CNOT7: variants seen among roughly 807,000 people sequenced by gnomAD.
CNOT7 encodes the protein CCR4-NOT transcription complex subunit 7.
A neutral mutation model predicts 37.1 loss-of-function variants in CNOT7; 4 were observed. That is an observed-to-expected ratio of 0.11 (90% CI 0.05 to 0.25). The LOEUF is 0.25. CNOT7 is among the 10% of genes least tolerant of loss of function. The pLI is 1.00. For missense variants in CNOT7, 170 were observed against 336.2 expected, an observed-to-expected ratio of 0.51 and a Z score of 3.87; for synonymous variants, 128 against 115.6, an observed-to-expected ratio of 1.11 and a Z score of -0.69.
chr8:17,226,764 C>G lies in CNOT7; in HGVS notation c.*3956G>C, dbSNP rs759254022. Reference sequence around the variant, plus strand: ...TTTAGTTTTTATTGAAATGAATTTACCATATTATGTTGTTGTACCTTGTAA... The same window carrying G: ...TTTAGTTTTTATTGAAATGAATTTAGCATATTATGTTGTTGTACCTTGTAA... On this transcript the variant is annotated 3_prime_UTR_variant, in exon 7 of 7. Transcript: ENST00000361272. 18 of 151,536 alleles carry G rather than the reference C, an allele frequency of 1.2e-4. No individual in the cohort carries two copies. The highest frequency in any genetic ancestry group is 2.1e-4 in the Non-Finnish European group (14 of 67,662). The allele number at this position is 151,536 out of a possible 1,614,324, so 9.4% of individuals were successfully genotyped here. A position where few individuals can be genotyped will look rare whatever the true frequency, so the allele number is the denominator to read the frequency against.
intron 1 of CNOT7, 65 bp from the exon 2 acceptor site, chr8:17,245,312 C>A: frequency 1.5e-6 from 1 of 667,942 alleles, no homozygotes; most frequent in Non-Finnish European, 2.2e-6. Context: ...AATAATTGAT[C>A]CAGCAGGAAC....
At chr8:17,238,356 CT>C (rs75655379) in intron 3 of CNOT7, among the ~76,000 whole-genome samples, 38,529 of 151,916 alleles carry the variant, frequency 0.25, 6,635 homozygotes, top group East Asian at 0.64. Flanking sequence ...ATGGTTAGTC[CT>C]TTAGAAATCA....
chr8:17,236,092 G>C (rs768741501), intron 4 of CNOT7, among the ~76,000 whole-genome samples: 4 of 152,330 alleles, frequency 2.6e-5, no homozygotes, highest in Non-Finnish European at 5.9e-5. Flanking sequence ...TAAGGTACAA[G>C]TTCAAGTGCA....
intron 3 of CNOT7, 130 bp from the exon 4 acceptor site, chr8:17,237,503 G>A (rs1165493466): frequency 2.8e-6 from 2 of 704,912 alleles, no homozygotes; most frequent in Non-Finnish European, 4.7e-6. Context: ...CTGTTTCAAT[G>A]CTTTATATAT....
At position 17,225,700 on chromosome 8, in the gene CNOT7, C is replaced by G. The variant is rs1808107490; in HGVS notation, c.*5020G>C. ...TTTGGATGTGTACAGTCCTACGTTT[C>G]TATAATGTCTTAATAGAAAAATAAA... is the stretch of plus-strand genomic sequence containing the variant. On this transcript the variant is annotated 3_prime_UTR_variant, in exon 7 of 7. Coordinates refer to ENST00000361272, the MANE Select transcript of CNOT7 (RefSeq NM_013354.7). 1 of 151,546 alleles carries G rather than the reference C, an allele frequency of 6.6e-6. No individual in the cohort carries two copies. 9.4% of individuals were successfully genotyped at this position (151,546 alleles called of 1,614,324 possible).
At position 17,228,224 on chromosome 8, in the gene CNOT7, A is replaced by G. The variant is rs1350014321; in HGVS notation, c.*2496T>C. The G allele has an allele frequency of 2.6e-5, 4 of 151,928 alleles. No individual in the cohort carries two copies. In the East Asian group the frequency reaches 7.7e-4, roughly 29 times the overall value. 9.4% of individuals were successfully genotyped at this position (151,928 alleles called of 1,614,324 possible). On this transcript the variant is annotated 3_prime_UTR_variant, in exon 7 of 7. Transcript: ENST00000361272. ...TTCTGGCTACGGGCCATAGTTTGAC[A>G]ACCCTTGCTCTAGTAGATTTAACAG... is the stretch of plus-strand genomic sequence containing the variant.
rs142172796 is a variant in CNOT7, at chr8:17,231,212, G to A, written c.730-364C>T. ...GAAAAAAAGTTTAGGTTCATAAACT[G>A]TCTTAAATCTGTATGCAAGGCTGAG... On this transcript the variant is annotated intron_variant, in intron 6 of 6. Transcript: ENST00000361272. Among the ~76,000 whole-genome samples, 110 of 152,194 alleles carry A rather than the reference G, an allele frequency of 7.2e-4. 1 individual carries two copies. The highest frequency in any genetic ancestry group is 2.2e-3 in the African/African-American group (92 of 41,568).
intron 3 of CNOT7, among the ~76,000 whole-genome samples, chr8:17,239,279 TCAAA>T (rs1295276383): frequency 2.6e-5 from 4 of 152,082 alleles, no homozygotes; most frequent in East Asian, 1.9e-4. Flanking sequence ...TAAACTGAGC[TCAAA>T]CAATCTGCCC....
rs1808324176 is a variant in CNOT7 at position 17,228,771 on chromosome 8, T to A, written c.*1949A>T. 1 of 151,958 alleles carries A rather than the reference T, an allele frequency of 6.6e-6. No individual in the cohort carries two copies. Among genetic ancestry groups the A allele is most frequent in the Non-Finnish European group, 1.5e-5 (1 of 67,864 alleles). The allele number at this position is 151,958 out of a possible 1,614,324, so 9.4% of individuals were successfully genotyped here. On this transcript the variant is annotated 3_prime_UTR_variant, in exon 7 of 7. Coordinates refer to ENST00000361272, the MANE Select transcript of CNOT7 (RefSeq NM_013354.7). ...CTAATAAAAAGGCAATCTTTATCAT[T>A]CCTATTTGAAATCCAGCATTGATTT...
intron 3 of CNOT7, among the ~76,000 whole-genome samples, chr8:17,238,825 G>T (rs547298603): frequency 4.6e-5 from 7 of 152,066 alleles, no homozygotes; most frequent in Non-Finnish European, 8.8e-5. Context: ...TAATATTCCT[G>T]TCTTTCTTTA....
At chr8:17,238,086 A>G (rs552595556) in intron 3 of CNOT7, among the ~76,000 whole-genome samples, 1 of 152,368 alleles carries the variant, frequency 6.6e-6, no homozygotes, top group Admixed American at 6.5e-5. Flanking sequence ...GCCATCTCCA[A>G]CCTCAAATAT....
At chr8:17,234,010 C>T (rs991360648) in intron 5 of CNOT7, among the ~76,000 whole-genome samples, 3 of 152,104 alleles carry the variant, frequency 2.0e-5, no homozygotes, top group Non-Finnish European at 2.9e-5. Flanking sequence ...GCCGAGACCA[C>T]GCCACTGCAC....
chr8:17,238,500 A>G (rs1440173385), intron 3 of CNOT7, among the ~76,000 whole-genome samples: 1 of 150,066 alleles, frequency 6.7e-6, no homozygotes, highest in Non-Finnish European at 1.5e-5. Context: ...AAACCCAATG[A>G]AGTAGTTTCT....
rs944058481 is a variant in CNOT7, at chr8:17,228,262, T to C, written c.*2458A>G. The C allele has an allele frequency of 6.6e-6, 1 of 151,954 alleles. No individual in the cohort carries two copies. The highest frequency in any genetic ancestry group is 1.5e-5 in the Non-Finnish European group (1 of 67,854). 9.4% of individuals were successfully genotyped at this position (151,954 alleles called of 1,614,324 possible). On this transcript the variant is annotated 3_prime_UTR_variant, in exon 7 of 7. Coordinates refer to ENST00000361272, the MANE Select transcript of CNOT7 (RefSeq NM_013354.7). ...GTAGATTTAACAGAATATATGAGCC[T>C]GTAATTAATTAATGGCTCAGTAACA...
rs1467744290 is a variant in CNOT7 at position 17,225,317 on chromosome 8, A to G, written c.*5403T>C. On this transcript the variant is annotated 3_prime_UTR_variant, in exon 7 of 7. Transcript: ENST00000361272. Reference sequence around the variant, plus strand: ...GCAGTGAATTTCCCCTCCTATGACAATAAAGCAAGAGGGCAGATTATATTC... The same window carrying G: ...GCAGTGAATTTCCCCTCCTATGACAGTAAAGCAAGAGGGCAGATTATATTC... 1 of 151,684 alleles carries G rather than the reference A, an allele frequency of 6.6e-6. No individual in the cohort carries two copies. Among genetic ancestry groups the G allele is most frequent in the Admixed American group, 6.6e-5 (1 of 15,212 alleles). 9.4% of individuals were successfully genotyped at this position (151,684 alleles called of 1,614,324 possible).
intron 6 of CNOT7, 85 bp downstream of exon 6, chr8:17,232,342 T>C (rs1563188557): frequency 1.2e-6 from 2 of 1,607,974 alleles, no homozygotes; most frequent in Admixed American, 1.7e-5. Context: ...TAGTAGGTAC[T>C]TGTTGCCCAA....
chr8:17,243,533 G>A (rs956154218), intron 2 of CNOT7: 1 of 474,804 alleles, frequency 2.1e-6, no homozygotes, highest in Admixed American at 2.3e-5. Flanking sequence ...CTAAAACCAA[G>A]TTTCTTGAAG....
At chr8:17,233,121 T>G (rs578085520) in intron 5 of CNOT7, among the ~76,000 whole-genome samples, 71 of 150,620 alleles carry the variant, frequency 4.7e-4, no homozygotes, top group African/African-American at 1.6e-3. Context: ...AAAAGAAAGA[T>G]GAGAGTGGAA....
chr8:17,237,645 A>G (rs555710786), intron 3 of CNOT7: 3 of 298,858 alleles, frequency 1.0e-5, no homozygotes, highest in African/African-American at 6.4e-5. Context: ...TTTCATACTT[A>G]AATACATTTA....
Sources: allele counts gnomAD v4.1 joint callset (sites outside exome capture counted in the v4.1 genomes callset), GRCh38; gene constraint gnomAD v4.1.1; transcripts MANE v1.5; gene names NCBI Gene and HGNC (gene_info 2026-07-23, HGNC 2026-07-21).